ATR: variants seen among roughly 807,000 people sequenced by gnomAD.
ATR encodes the protein ATR checkpoint kinase, also known as serine/threonine-protein kinase ATR.
In ATR, 142 loss-of-function variants were observed where a neutral mutation model predicts 305.3. The ratio of observed to expected loss-of-function variants is 0.47; its 90% CI spans 0.41 to 0.53. The LOEUF (loss-of-function observed/expected upper bound fraction) is 0.53. ATR is among the 20% of genes least tolerant of loss of function. The probability of loss-of-function intolerance (pLI) is 0.00; values close to 1 mark genes in which losing one functional copy is unlikely to be tolerated. For missense variants in ATR, 2,135 were observed against 3,133.1 expected, an observed-to-expected ratio of 0.68 and a Z score of 7.60; for synonymous variants, 1,050 against 1,068.1, an observed-to-expected ratio of 0.98 and a Z score of 0.33.
chr3:142,461,170 GTTA>G (rs2071017626), intron 42 of ATR, among the ~76,000 whole-genome samples: 1 of 151,932 alleles, frequency 6.6e-6, no homozygotes, highest in African/African-American at 2.4e-5. Context: ...CTTTATAATT[GTTA>G]AGTATCTGAT....
rs760349373 is a variant in ATR, at chr3:142,556,433, A to G, written c.2028T>C (p.Phe676=). ...AAGAATTCTGCTGCTGCAATAAGAT[A>G]AAAAATCCACTAACACAACTAGCCC... ...VIRASCVSGF[F]ILLQQQNSCN... is the part of the protein sequence containing the mutation. The change falls in exon 9 of 47, where the codon TTT becomes TTC. Residue 676 remains phenylalanine (F), a synonymous_variant. Transcript: ENST00000350721. 2 of 1,614,138 alleles carry G rather than the reference A, an allele frequency of 1.2e-6. No homozygotes were observed. Among genetic ancestry groups the G allele is most frequent in the South Asian group, 2.2e-5 (2 of 91,082 alleles).
chr3:142,466,827 G>A (rs1439400856), intron 39 of ATR, among the ~76,000 whole-genome samples: 1 of 152,240 alleles, frequency 6.6e-6, no homozygotes, highest in East Asian at 1.9e-4. Context: ...TTATGTGTTT[G>A]ATTATGGGAT....
At chr3:142,483,010 C>CTTTT (rs1227169409) in intron 36 of ATR, among the ~76,000 whole-genome samples, 2 of 92,318 alleles carry the variant, frequency 2.2e-5, no homozygotes, top group African/African-American at 7.7e-5. Flanking sequence ...TTCTTTCTTT[C>CTTTT]TTTTTTTTTT....
At chr3:142,476,798 G>T (rs777519696) in intron 36 of ATR, among the ~76,000 whole-genome samples, 1 of 152,170 alleles carries the variant, frequency 6.6e-6, no homozygotes, top group Non-Finnish European at 1.5e-5. Context: ...TCTCCTTGAA[G>T]AGGTCCTTCA....
intron 16 of ATR, among the ~76,000 whole-genome samples, chr3:142,545,235 CA>C (rs1236536284): frequency 6.6e-6 from 1 of 152,056 alleles, no homozygotes; most frequent in Non-Finnish European, 1.5e-5. Context: ...AGTATGTAAA[CA>C]AAGTTGTGAT....
chr3:142,523,039 C>T (rs2108397181), intron 22 of ATR, among the ~76,000 whole-genome samples, 198 bp from the exon 23 acceptor site: 2 of 152,194 alleles, frequency 1.3e-5, no homozygotes, highest in South Asian at 2.1e-4. Context: ...AAATGTAAAG[C>T]TTTTTAGGCT....
chr3:142,523,888 G>T, intron 22 of ATR, 105 bp downstream of exon 22: 1 of 1,192,994 alleles, frequency 8.4e-7, no homozygotes, highest in Non-Finnish European at 1.2e-6. Context: ...CTGGTTCTAG[G>T]TGAAGCTTTT....
chr3:142,451,688 TC>T, intron 46 of ATR: 2 of 1,192,682 alleles, frequency 1.7e-6, no homozygotes, highest in Non-Finnish European at 2.1e-6. Flanking sequence ...CAAGTGATCC[TC>T]CCACCTCAGC....
intron 21 of ATR, among the ~76,000 whole-genome samples, chr3:142,530,664 T>C (rs956566495): frequency 3.3e-5 from 5 of 152,150 alleles, no homozygotes; most frequent in African/African-American, 9.7e-5. Flanking sequence ...ATTTGGTTCA[T>C]CTCTGATTTT....
chr3:142,479,607 T>G (rs1332147864), intron 36 of ATR, among the ~76,000 whole-genome samples: 1 of 152,210 alleles, frequency 6.6e-6, no homozygotes. Flanking sequence ...TGGCGTTCTC[T>G]GTATTTCCTG....
At chr3:142,523,854 T>G (rs553740810) in intron 22 of ATR, 139 bp downstream of exon 22, 4 of 935,972 alleles carry the variant, frequency 4.3e-6, no homozygotes, top group South Asian at 3.8e-5. Flanking sequence ...GTAAAAGAAA[T>G]AAACTCAGAA....
In ATR at chr3:142,536,125, G is replaced by A. The variant is rs1383288417; in HGVS notation, c.3802C>T (p.Leu1268Phe). 1.9e-6 allele frequency: 3 copies of A among 1,581,016 alleles called. No homozygotes were observed. Among genetic ancestry groups the A allele is most frequent in the Admixed American group, 1.7e-5 (1 of 59,840 alleles). Reference sequence around the variant, plus strand: ...TTAAATACCTTTCTGTATTCCTGGAGAACGGCTTTTATCTTTTTTAATTCT... The same window carrying A: ...TTAAATACCTTTCTGTATTCCTGGAAAACGGCTTTTATCTTTTTTAATTCT... ...HPELKKIKAV[L>F]QEYRKETSES... is the part of the protein sequence containing the mutation. The change falls in exon 20 of 47, where the codon CTC becomes TTC. Residue 1268 changes from leucine (L) to phenylalanine (F), a missense_variant. Leu to Phe is a conservative substitution (Grantham distance 22, BLOSUM62 0). Coordinates refer to ENST00000350721, the MANE Select transcript of ATR (RefSeq NM_001184.4).
intron 15 of ATR, 141 bp downstream of exon 15, chr3:142,549,338 T>G: frequency 1.7e-6 from 1 of 583,196 alleles, no homozygotes; most frequent in Non-Finnish European, 2.8e-6. Flanking sequence ...GGACAAAGAT[T>G]ATTTAACATA....
intron 13 of ATR, among the ~76,000 whole-genome samples, chr3:142,552,902 G>A (rs2034525790): frequency 6.6e-6 from 1 of 150,994 alleles, no homozygotes; most frequent in East Asian, 2.0e-4. Flanking sequence ...AGTAGGAGCT[G>A]AATGATGAGA....
chr3:142,499,763 G>T, intron 30 of ATR, 45 bp from the exon 31 acceptor site: 1 of 1,517,804 alleles, frequency 6.6e-7, no homozygotes, highest in East Asian at 2.3e-5. Flanking sequence ...TTTATTTAAG[G>T]TGACATTCAG....
chr3:142,534,235 T>C (rs1417865268), intron 21 of ATR, among the ~76,000 whole-genome samples: 1 of 152,102 alleles, frequency 6.6e-6, no homozygotes, highest in Non-Finnish European at 1.5e-5. Flanking sequence ...ACGTTGATAA[T>C]GCACATCTAT....
At chr3:142,563,900 T>G (rs1406439407) in intron 3 of ATR, among the ~76,000 whole-genome samples, 1 of 152,172 alleles carries the variant, frequency 6.6e-6, no homozygotes, top group African/African-American at 2.4e-5. Context: ...TTATTGCTGG[T>G]ATGGAGAAAG....
chr3:142,471,007 A>C (rs1033617892), intron 36 of ATR, among the ~76,000 whole-genome samples: 2 of 152,162 alleles, frequency 1.3e-5, no homozygotes, highest in East Asian at 3.9e-4. Context: ...ATGGTTGTAC[A>C]TTCACATTGT....
At chr3:142,578,501 A>G in intron 1 of ATR, 145 bp downstream of exon 1, 1 of 973,946 alleles carries the variant, frequency 1.0e-6, no homozygotes, top group Non-Finnish European at 1.5e-6. Context: ...GAAGCGCCCA[A>G]ATCAGCCACG....
Sources: allele counts gnomAD v4.1 joint callset (sites outside exome capture counted in the v4.1 genomes callset), GRCh38; gene constraint gnomAD v4.1.1; transcripts MANE v1.5; gene names NCBI Gene and HGNC (gene_info 2026-07-23, HGNC 2026-07-21).